ZFAT: variants seen among roughly 807,000 people sequenced by gnomAD.
ZFAT encodes zinc finger and AT-hook domain containing.
ZFAT carries 64 observed loss-of-function variants against 117.7 expected under a neutral mutation model. The observed-to-expected ratio is 0.54, with a 90% confidence interval of 0.44 to 0.67. ZFAT has a LOEUF of 0.67. Ranked by LOEUF, ZFAT falls within the 30% of genes least tolerant of loss-of-function variation. The probability of loss-of-function intolerance (pLI) is 0.00; values close to 1 mark genes in which losing one functional copy is unlikely to be tolerated. For missense variants in ZFAT, 1,433 were observed against 1,584.5 expected (o/e 0.90, Z 1.62); for synonymous variants, 679 against 615.0 (o/e 1.10, Z -1.54).
At chr8:134,622,312 A>G (rs1200627011) in intron 3 of ZFAT, among the ~76,000 whole-genome samples, 2 of 152,216 alleles carry the variant, frequency 1.3e-5, no homozygotes, top group African/African-American at 4.8e-5. Context: ...ACCCTAGCAC[A>G]TTAGCATACT....
intron 1 of ZFAT, among the ~76,000 whole-genome samples, chr8:134,680,261 C>CAAA (rs35292754): frequency 1.4e-4 from 7 of 48,872 alleles, no homozygotes; most frequent in Admixed American, 2.6e-4. Flanking sequence ...GACTCCCCCT[C>CAAA]AAAAAAAAAA....
intron 1 of ZFAT, among the ~76,000 whole-genome samples, chr8:134,662,383 T>A: frequency 6.6e-6 from 1 of 152,012 alleles, no homozygotes; most frequent in Non-Finnish European, 1.5e-5. Context: ...GAGAAGGCCC[T>A]TAGGGAGAAG....
intron 1 of ZFAT, 103 bp downstream of exon 1, chr8:134,712,742 G>C: frequency 1.7e-6 from 2 of 1,176,960 alleles, no homozygotes; most frequent in South Asian, 1.7e-5. Flanking sequence ...GGCGGCCGGC[G>C]GCCGGCGCAC....
At chr8:134,669,778 A>G (rs954934077) in intron 1 of ZFAT, among the ~76,000 whole-genome samples, 1 of 152,254 alleles carries the variant, frequency 6.6e-6, no homozygotes, top group Non-Finnish European at 1.5e-5. Flanking sequence ...TAAATGGGCT[A>G]AATGCTCCAA....
chr8:134,590,255 T>C lies in ZFAT; in HGVS notation c.2563+13A>G. On this transcript the variant is annotated intron_variant, in intron 8 of 15. Coordinates refer to ENST00000377838, the MANE Select transcript of ZFAT (RefSeq NM_020863.4). ...TTAACATTAATCTTCCACTCCAAAATGCACAACCTTACCAGGATGGTTGGT... is the reference window on the plus strand; with the variant it reads ...TTAACATTAATCTTCCACTCCAAAACGCACAACCTTACCAGGATGGTTGGT... 6.2e-7 allele frequency: 1 copy of C among 1,601,416 alleles called. No individual in the cohort carries two copies. Among genetic ancestry groups the C allele is most frequent in the Non-Finnish European group, 8.5e-7 (1 of 1,171,150 alleles).
At chr8:134,816,764 G>A in the ZFAT span, among the ~76,000 whole-genome samples, 4 of 152,148 alleles carry the variant, frequency 2.6e-5, no homozygotes, top group East Asian at 7.7e-4. Context: ...GGGTGGATCA[G>A]GAGGTCAGGA....
chr8:134,483,528 G>A (rs114029671), intron 15 of ZFAT, among the ~76,000 whole-genome samples: 41 of 152,222 alleles, frequency 2.7e-4, no homozygotes, highest in African/African-American at 9.1e-4. Flanking sequence ...CACTCTAGTC[G>A]CTTAATCTAT....
the ZFAT span, among the ~76,000 whole-genome samples, chr8:134,719,409 A>G: frequency 2.6e-5 from 4 of 152,218 alleles, no homozygotes; most frequent in African/African-American, 9.6e-5. Context: ...GGGGCGAATC[A>G]AGTGGTTTCA....
At chr8:134,612,748 T>C (rs1356478787) in intron 3 of ZFAT, among the ~76,000 whole-genome samples, 8 of 152,158 alleles carry the variant, frequency 5.3e-5, no homozygotes, top group Non-Finnish European at 4.4e-5. Context: ...GATGAGATCA[T>C]GAATCAGACA....
At chr8:134,730,266 C>T in the ZFAT span, among the ~76,000 whole-genome samples, 2 of 152,278 alleles carry the variant, frequency 1.3e-5, no homozygotes, top group Non-Finnish European at 2.9e-5. Flanking sequence ...GTACTCCTCC[C>T]TTGCCTAGCT....
upstream of ZFAT, among the ~76,000 whole-genome samples, chr8:134,716,271 CAGTT>C (rs1456579685): frequency 1.3e-5 from 2 of 151,714 alleles, no homozygotes; most frequent in East Asian, 3.8e-4. Context: ...TTTGGGTTAA[CAGTT>C]AAAAATCTAA....
At chr8:134,790,262 G>C in the ZFAT span, among the ~76,000 whole-genome samples, 1 of 152,118 alleles carries the variant, frequency 6.6e-6, no homozygotes, top group East Asian at 1.9e-4. Flanking sequence ...CCCCTAAAAG[G>C]CTCTTGTCCA....
intron 7 of ZFAT, among the ~76,000 whole-genome samples, chr8:134,591,291 C>T (rs1204088983): frequency 6.6e-6 from 1 of 152,212 alleles, no homozygotes; most frequent in African/African-American, 2.4e-5. Flanking sequence ...GTAGAGTGTG[C>T]GGACGCCCAC....
chr8:134,485,230 C>T (rs1817583477), intron 15 of ZFAT, among the ~76,000 whole-genome samples: 1 of 152,142 alleles, frequency 6.6e-6, no homozygotes. Context: ...TTGCTTTCCC[C>T]CTGCTCCGCC....
the ZFAT span, among the ~76,000 whole-genome samples, chr8:134,773,389 C>T: frequency 3.9e-5 from 6 of 152,336 alleles, no homozygotes; most frequent in African/African-American, 1.4e-4. Context: ...GTTGACAATG[C>T]ACCTAGTTGT....
intron 1 of ZFAT, among the ~76,000 whole-genome samples, chr8:134,709,228 T>A (rs1813896066): frequency 6.6e-6 from 1 of 152,166 alleles, no homozygotes; most frequent in African/African-American, 2.4e-5. Context: ...TGCCTTTCCA[T>A]CCACAAATGC....
chr8:134,556,062 A>AGGAT lies in ZFAT; in HGVS notation c.2976+9270_2976+9271insATCC, dbSNP rs1823589345. ...AAGGAAGGAAGGAAGGAAGGAAGGAAGGAAGGAAGGAAGGGAAGGAAGGGA... is the reference window on the plus strand; with the variant it reads ...AAGGAAGGAAGGAAGGAAGGAAGGAAGGATGGAAGGAAGGAAGGGAAGGAAGGGA... On this transcript the variant is annotated intron_variant, in intron 11 of 15. Coordinates refer to ENST00000377838, the MANE Select transcript of ZFAT (RefSeq NM_020863.4). Among the ~76,000 whole-genome samples the AGGAT allele has an allele frequency of 2.8e-5, 3 of 105,640 alleles. No homozygotes were observed. In the East Asian group the frequency reaches 1.3e-3, roughly 47 times the overall value. 69.3% of individuals were successfully genotyped at this position (105,640 alleles called of 152,430 possible).
intron 12 of ZFAT, among the ~76,000 whole-genome samples, chr8:134,524,640 C>T (rs1459708855): frequency 6.6e-6 from 1 of 152,112 alleles, no homozygotes. Flanking sequence ...ACATACCCTA[C>T]AACACACAGG....
chr8:134,685,810 T>A (rs193266493), intron 1 of ZFAT, among the ~76,000 whole-genome samples: 127 of 152,328 alleles, frequency 8.3e-4, no homozygotes, highest in African/African-American at 3.0e-3. Flanking sequence ...GCCATAATTT[T>A]AAAAAACATG....
Sources: gnomAD v4.1 joint callset for allele counts (sites outside exome capture counted in the v4.1 genomes callset) on GRCh38, gnomAD v4.1.1 for gene constraint, MANE v1.5 for transcripts, NCBI Gene and HGNC (gene_info 2026-07-23, HGNC 2026-07-21) for gene names.